SIN3B: variants seen among roughly 807,000 people sequenced by gnomAD.
SIN3B encodes paired amphipathic helix protein Sin3b.
A neutral mutation model predicts 120.2 loss-of-function variants in SIN3B; 19 were observed. The ratio of observed to expected loss-of-function variants is 0.16; its 90% CI spans 0.11 to 0.23. The LOEUF is 0.23. Among genes scored for constraint, SIN3B ranks in the 10% least tolerant of loss-of-function variants. The probability of loss-of-function intolerance (pLI) is 1.00; values close to 1 mark genes in which losing one functional copy is unlikely to be tolerated. For synonymous variants in SIN3B, 654 were observed against 653.2 expected (o/e 1.00, Z -0.02); for missense variants, 1,073 against 1,573.0 (o/e 0.68, Z 5.38).
rs2051650467 is a variant in SIN3B at position 16,878,799 on chromosome 19, C to T, written c.*72C>T. On this transcript the variant is annotated 3_prime_UTR_variant, in exon 19 of 19. Coordinates refer to ENST00000248054, the MANE Select transcript of SIN3B (RefSeq NM_001297595.2). ...GCCCTCGGCCTTGGTCGTGTCGGGG[C>T]CGTTTTCTTGAACGACGTGAGAGGC... The T allele has an allele frequency of 1.8e-5, 24 of 1,364,832 alleles. No individual in the cohort carries two copies. The South Asian group carries it at 2.7e-4, about 15-fold the overall frequency. The allele number at this position is 1,364,832 out of a possible 1,614,324, so 84.5% of individuals were successfully genotyped here.
At chr19:16,854,467 C>T (rs375747826) in intron 8 of SIN3B, 2 of 536,168 alleles carry the variant, frequency 3.7e-6, no homozygotes, top group Non-Finnish European at 3.3e-6. Flanking sequence ...GTTCCTTTAC[C>T]AGTAACATCT....
At chr19:16,846,773 G>A (rs1277548228) in intron 4 of SIN3B, among the ~76,000 whole-genome samples, 197 bp from the exon 5 acceptor site, 1 of 152,138 alleles carries the variant, frequency 6.6e-6, no homozygotes, top group African/African-American at 2.4e-5. Context: ...CATACTCCTG[G>A]ACGGGACCTG....
chr19:16,848,883 C>T (rs1971511573), intron 5 of SIN3B, among the ~76,000 whole-genome samples: 3 of 152,224 alleles, frequency 2.0e-5, no homozygotes, highest in Non-Finnish European at 4.4e-5. Context: ...AGCGATCCTC[C>T]CACCTTGGCC....
intron 8 of SIN3B, chr19:16,854,517 T>G (rs1157167439): frequency 1.2e-5 from 5 of 404,142 alleles, no homozygotes; most frequent in Non-Finnish European, 2.2e-5. Context: ...GGTCCTCGAG[T>G]AATGCCTTTT....
intron 12 of SIN3B, among the ~76,000 whole-genome samples, chr19:16,868,038 G>T (rs139243199): frequency 6.6e-6 from 1 of 152,320 alleles, no homozygotes; most frequent in Non-Finnish European, 1.5e-5. Flanking sequence ...CTCTGCACAT[G>T]CAGGTCCTTG....
chr19:16,877,434 G>A, intron 16 of SIN3B, 111 bp from the exon 17 acceptor site: 1 of 742,296 alleles, frequency 1.3e-6, no homozygotes, highest in Non-Finnish European at 2.3e-6. Context: ...CTCATGCTCT[G>A]GCAGTGGGGG....
Position 16,879,020 on chromosome 19 carries a change from A to C in SIN3B, c.*293A>C. 1 of 481,624 alleles carries C rather than the reference A, an allele frequency of 2.1e-6. No individual in the cohort carries two copies. The highest frequency in any genetic ancestry group is 3.6e-5 in the East Asian group (1 of 28,106). The allele number at this position is 481,624 out of a possible 1,614,324, so 29.8% of individuals were successfully genotyped here. ...AATCATGTTTGCGTCCCCGTCCGTC[A>C]CATGTGCCAAATCCCTGGCAGGCAG... On this transcript the variant is annotated 3_prime_UTR_variant, in exon 19 of 19. Transcript: ENST00000248054.
intron 12 of SIN3B, among the ~76,000 whole-genome samples, chr19:16,867,082 C>T (rs549078931): frequency 7.9e-5 from 12 of 152,294 alleles, no homozygotes; most frequent in South Asian, 4.1e-4. Context: ...GCGAAGTCTC[C>T]GTCCCTCCCG....
At chr19:16,841,682 C>G in intron 3 of SIN3B, 86 bp from the exon 4 acceptor site, 1 of 1,286,630 alleles carries the variant, frequency 7.8e-7, no homozygotes, top group East Asian at 2.3e-5. Context: ...TTTTTCTGTT[C>G]CTGTGCAGAC....
rs2303092 is a variant in SIN3B, at chr19:16,831,901, C to T, written c.381+254C>T. Among the ~76,000 whole-genome samples, 22 of 152,308 alleles carry T rather than the reference C, an allele frequency of 1.4e-4. No homozygotes were observed. In the East Asian group the frequency reaches 3.3e-3, roughly 23 times the overall value. ...GGATGTCAGGGAGGTATCCTCCTAACGCAGAATTTTGTGTGAAGTCTAAAT... is the reference window on the plus strand; with the variant it reads ...GGATGTCAGGGAGGTATCCTCCTAATGCAGAATTTTGTGTGAAGTCTAAAT... On this transcript the variant is annotated intron_variant, in intron 3 of 18. Coordinates refer to ENST00000248054, the MANE Select transcript of SIN3B (RefSeq NM_001297595.2).
intron 11 of SIN3B, 84 bp downstream of exon 11, chr19:16,865,732 A>G (rs1971763120): frequency 1.1e-6 from 1 of 915,580 alleles, no homozygotes; most frequent in African/African-American, 2.1e-5. Context: ...CACTGCAGGG[A>G]GCCCTTGGAG....
chr19:16,866,249 G>C (rs2287794), intron 11 of SIN3B, 124 bp from the exon 12 acceptor site: 499,007 of 893,580 alleles, frequency 0.56, 141,622 homozygotes, highest in Non-Finnish European at 0.59. Flanking sequence ...GACTAGGCTG[G>C]GAGCTGGCTG....
chr19:16,857,517 ATG>A (rs72233219), intron 8 of SIN3B, among the ~76,000 whole-genome samples: 26,700 of 93,306 alleles, frequency 0.29, 2,867 homozygotes, highest in Non-Finnish European at 0.39. Flanking sequence ...TAAAAAAAAT[ATG>A]TGTGTGTGTG....
At chr19:16,839,824 C>T (rs989307818) in intron 3 of SIN3B, among the ~76,000 whole-genome samples, 10 of 152,126 alleles carry the variant, frequency 6.6e-5, no homozygotes. Flanking sequence ...CGAGACCAGC[C>T]TGGCCAATAT....
At chr19:16,829,678 C>T in intron 1 of SIN3B, 113 bp from the exon 2 acceptor site, 1 of 1,269,098 alleles carries the variant, frequency 7.9e-7, no homozygotes. Context: ...CACCCCTCAC[C>T]TCTCACCTCG....
At chr19:16,836,724 C>G (rs1396989367) in intron 3 of SIN3B, among the ~76,000 whole-genome samples, 4 of 152,168 alleles carry the variant, frequency 2.6e-5, no homozygotes, top group African/African-American at 9.7e-5. Flanking sequence ...GGGTCCTCTT[C>G]AGGGCAGACC....
At chr19:16,849,541 A>G (rs1296514553) in intron 5 of SIN3B, among the ~76,000 whole-genome samples, 10 of 152,212 alleles carry the variant, frequency 6.6e-5, no homozygotes, top group Non-Finnish European at 1.2e-4. Flanking sequence ...TGAGAACAAC[A>G]GGCCCTGTGT....
intron 14 of SIN3B, among the ~76,000 whole-genome samples, chr19:16,874,874 C>T (rs2051567662): frequency 7.5e-6 from 1 of 132,558 alleles, no homozygotes; most frequent in Non-Finnish European, 1.6e-5. Context: ...TTAGTCTGGT[C>T]TAGTCTGGTC....
chr19:16,840,506 G>A (rs961096671), intron 3 of SIN3B, among the ~76,000 whole-genome samples: 5 of 152,198 alleles, frequency 3.3e-5, no homozygotes, highest in African/African-American at 1.2e-4. Context: ...GGGGTACCTC[G>A]TTGTGGCAGC....
Sources: gnomAD v4.1 joint callset for allele counts (sites outside exome capture counted in the v4.1 genomes callset) on GRCh38, gnomAD v4.1.1 for gene constraint, MANE v1.5 for transcripts, NCBI Gene and HGNC (gene_info 2026-07-23, HGNC 2026-07-21) for gene names.